Variants in ANKRD11 observed in about 807,000 individuals in gnomAD.
The protein encoded by ANKRD11 is ankyrin repeat domain-containing protein 11.
Under a neutral mutation model 195.7 loss-of-function variants are expected in ANKRD11, and 17 were observed. The observed-to-expected ratio is 0.09, with a 90% CI of 0.06 to 0.13. The LOEUF is 0.13. ANKRD11 is among the 10% of genes least tolerant of loss of function. The pLI is 1.00. For synonymous variants in ANKRD11, 1,953 were observed against 1,528.1 expected, an observed-to-expected ratio of 1.28 and a Z score of -6.49; for missense variants, 3,735 against 3,566.1, an observed-to-expected ratio of 1.05 and a Z score of -1.21.
intron 1 of ANKRD11, among the ~76,000 whole-genome samples, chr16:89,478,042 A>G (rs1271360522): frequency 6.6e-6 from 1 of 152,224 alleles, no homozygotes; most frequent in African/African-American, 2.4e-5. Flanking sequence ...TTATGGCTTC[A>G]AAAGAAGCCC....
chr16:89,311,645 C>G (rs1370273558), intron 3 of ANKRD11, among the ~76,000 whole-genome samples: 2 of 152,188 alleles, frequency 1.3e-5, no homozygotes, highest in Non-Finnish European at 2.9e-5. Flanking sequence ...ACAGGAAAAA[C>G]TTCTGTGACC....
intron 1 of ANKRD11, among the ~76,000 whole-genome samples, chr16:89,484,920 G>A (rs994500429): frequency 3.9e-5 from 6 of 152,104 alleles, no homozygotes; most frequent in African/African-American, 9.7e-5. Context: ...GCACAGATGC[G>A]AAGGACAGGC....
intron 3 of ANKRD11, among the ~76,000 whole-genome samples, chr16:89,306,597 C>CACCT (rs763871066): frequency 1.9e-5 from 2 of 103,722 alleles, no homozygotes; most frequent in Admixed American, 9.5e-5. Flanking sequence ...AGACACGCGC[C>CACCT]ACCTCCCACT....
chr16:89,412,665 G>A (rs764793651), intron 2 of ANKRD11: 1 of 152,102 alleles, frequency 6.6e-6, no homozygotes, highest in Non-Finnish European at 1.5e-5. Context: ...TCTTTTGCTA[G>A]ATCCAGGCAA....
At chr16:89,290,482 GCT>G in intron 6 of ANKRD11, 141 bp downstream of exon 6, 1 of 210,792 alleles carries the variant, frequency 4.7e-6, no homozygotes, top group Non-Finnish European at 9.1e-6. Flanking sequence ...AGCGGGGGAG[GCT>G]CAGGGCTCCA....
chr16:89,308,663 G>T (rs913538875), intron 3 of ANKRD11, among the ~76,000 whole-genome samples: 1 of 152,142 alleles, frequency 6.6e-6, no homozygotes, highest in African/African-American at 2.4e-5. Context: ...TTCCCATGAC[G>T]TGTTCACAAA....
intron 2 of ANKRD11, among the ~76,000 whole-genome samples, chr16:89,351,537 T>C (rs887676197): frequency 1.2e-4 from 18 of 152,140 alleles, no homozygotes; most frequent in Non-Finnish European, 2.2e-4. Flanking sequence ...AAGAAAACAC[T>C]GGATACAGAC....
intron 2 of ANKRD11, among the ~76,000 whole-genome samples, chr16:89,383,115 G>C (rs2040735279): frequency 6.6e-6 from 1 of 152,242 alleles, no homozygotes; most frequent in African/African-American, 2.4e-5. Context: ...TAAAAGCTGG[G>C]TGTGCTGGCT....
At chr16:89,350,679 C>A (rs1040807509) in intron 2 of ANKRD11, among the ~76,000 whole-genome samples, 1 of 152,178 alleles carries the variant, frequency 6.6e-6, no homozygotes, top group Non-Finnish European at 1.5e-5. Flanking sequence ...GGGGAACTTT[C>A]TTGGGGTGAT....
intron 2 of ANKRD11, among the ~76,000 whole-genome samples, chr16:89,411,128 G>A (rs1276423062): frequency 6.6e-6 from 1 of 152,268 alleles, no homozygotes; most frequent in Non-Finnish European, 1.5e-5. Context: ...CAGGGCAGAA[G>A]GCAGCAGCAC....
intron 2 of ANKRD11, among the ~76,000 whole-genome samples, chr16:89,408,720 G>A (rs2042004648): frequency 6.6e-6 from 1 of 151,448 alleles, no homozygotes; most frequent in Non-Finnish European, 1.5e-5. Flanking sequence ...CAGAGTCCCC[G>A]GGACTCACTC....
Position 89,280,499 on chromosome 16 carries a change from A to G in ANKRD11, c.6043T>C (p.Tyr2015His), listed in dbSNP as rs1395480845. The change falls in exon 9 of 13, where the codon TAC becomes CAC. Residue 2015 changes from tyrosine to histidine, a missense_variant. By Grantham distance (83) the Tyr-to-His change is moderately conservative (BLOSUM62 2). Transcript: ENST00000301030. ...GCAGGAGAGGCGGGAGGGGCGGGGT[A>G]CGGCGCCTCCGAGGCGCTGAAGGGC... ...PGPFSASEAP[Y>H]PAPPASPAPY... 34 of 1,593,222 alleles carry G rather than the reference A, an allele frequency of 2.1e-5. No homozygotes were observed. Among genetic ancestry groups the G allele is most frequent in the Non-Finnish European group, 2.9e-5 (34 of 1,170,864 alleles).
intron 1 of ANKRD11, among the ~76,000 whole-genome samples, chr16:89,468,308 T>C (rs1433498578): frequency 1.3e-5 from 2 of 152,212 alleles, no homozygotes; most frequent in African/African-American, 4.8e-5. Context: ...CACCCACACC[T>C]GCAACGTGAG....
chr16:89,317,112 C>A, intron 2 of ANKRD11, 34 bp from the exon 3 acceptor site: 1 of 1,391,402 alleles, frequency 7.2e-7, no homozygotes, highest in South Asian at 1.2e-5. Context: ...TCACTGAATT[C>A]AGAGGCAGCT....
intron 1 of ANKRD11, among the ~76,000 whole-genome samples, chr16:89,430,615 C>T (rs1199867505): frequency 1.3e-5 from 2 of 152,216 alleles, no homozygotes; most frequent in African/African-American, 4.8e-5. Flanking sequence ...TGTCCTTTAA[C>T]AAGGACAAAG....
intron 1 of ANKRD11, among the ~76,000 whole-genome samples, chr16:89,435,166 A>C (rs1208462933): frequency 6.6e-6 from 1 of 152,186 alleles, no homozygotes; most frequent in East Asian, 1.9e-4. Flanking sequence ...TAAACTCACC[A>C]ATCAGCACTC....
chr16:89,410,476 C>A (rs2042071022), intron 2 of ANKRD11, among the ~76,000 whole-genome samples: 1 of 152,170 alleles, frequency 6.6e-6, no homozygotes, highest in Non-Finnish European at 1.5e-5. Context: ...AGACACCCTG[C>A]AGAGCTGAGG....
At chr16:89,460,683 TCCACGATCACA>T (rs759013871) in intron 1 of ANKRD11, among the ~76,000 whole-genome samples, 22 of 151,912 alleles carry the variant, frequency 1.4e-4, no homozygotes, top group Non-Finnish European at 2.5e-4. Flanking sequence ...GCTATAGTGA[TCCACGATCACA>T]CCACTGCACT....
At chr16:89,410,862 G>A (rs2042085074) in intron 2 of ANKRD11, among the ~76,000 whole-genome samples, 1 of 152,030 alleles carries the variant, frequency 6.6e-6, no homozygotes. Flanking sequence ...GGGCAAGACA[G>A]AAACCACATG....
Sources: allele counts gnomAD v4.1 joint callset (sites outside exome capture counted in the v4.1 genomes callset), GRCh38; gene constraint gnomAD v4.1.1; transcripts MANE v1.5; gene names NCBI Gene and HGNC (gene_info 2026-07-23, HGNC 2026-07-21).